The following MIER1 variants were observed in gnomAD, a reference collection of about 807,000 sequenced individuals.
MIER1 encodes mesoderm induction early response protein 1.
In MIER1, 40 loss-of-function variants were observed where a neutral mutation model predicts 75.7. The observed-to-expected ratio is 0.53, with a 90% CI of 0.41 to 0.69. The LOEUF is 0.69. Among genes scored for constraint, MIER1 ranks in the 30% least tolerant of loss-of-function variants. The probability of loss-of-function intolerance (pLI) is 0.00; values close to 1 mark genes in which losing one functional copy is unlikely to be tolerated. For missense variants in MIER1, 574 were observed against 680.2 expected (o/e 0.84, Z 1.74); for synonymous variants, 213 against 223.4 (o/e 0.95, Z 0.42).
At chr1:66,942,281 C>T (rs1656432125) in intron 3 of MIER1, among the ~76,000 whole-genome samples, 1 of 152,172 alleles carries the variant, frequency 6.6e-6, no homozygotes, top group South Asian at 2.1e-4. Flanking sequence ...ATAATAGTCA[C>T]ATGACCACAT....
intron 3 of MIER1, among the ~76,000 whole-genome samples, chr1:66,944,538 G>T (rs1310768859): frequency 1.3e-5 from 2 of 151,534 alleles, no homozygotes; most frequent in Admixed American, 6.6e-5. Flanking sequence ...ACCCTATAGG[G>T]TCCAGCAATA....
chr1:66,954,577 G>A (rs1349074774), intron 4 of MIER1, among the ~76,000 whole-genome samples: 1 of 152,106 alleles, frequency 6.6e-6, no homozygotes, highest in Admixed American at 6.5e-5. Flanking sequence ...GTTCTATTAC[G>A]ATTGTAATTC....
Position 66,987,774 on chromosome 1 carries a change from TAC to T in MIER1, c.*2878_*2879del, listed in dbSNP as rs1024915529. ...TATTGACAAGGCAAATATATATATATACACAGTCTGTTTCTTCTATTCCTAGA... is the reference window on the plus strand; with the variant it reads ...TATTGACAAGGCAAATATATATATATACAGTCTGTTTCTTCTATTCCTAGA... On this transcript the variant is annotated 3_prime_UTR_variant, in exon 14 of 14. Transcript: ENST00000401041. 2.0e-5 allele frequency: 3 copies of T among 152,096 alleles called. No individual in the cohort carries two copies. Among genetic ancestry groups the T allele is most frequent in the Admixed American group, 1.3e-4 (2 of 15,226 alleles). 9.4% of individuals were successfully genotyped at this position (152,096 alleles called of 1,614,324 possible).
intron 3 of MIER1, among the ~76,000 whole-genome samples, chr1:66,942,981 A>C (rs1656611065): frequency 6.6e-6 from 1 of 152,204 alleles, no homozygotes; most frequent in Admixed American, 6.5e-5. Context: ...TATAACAAAG[A>C]ATTAAGCATA....
At chr1:66,925,181 C>T in intron 1 of MIER1, 86 bp downstream of exon 1, 10 of 1,470,774 alleles carry the variant, frequency 6.8e-6, no homozygotes, top group Non-Finnish European at 9.0e-6. Context: ...TCCCCTTTCT[C>T]TCCTTCCCCT....
chr1:66,929,653 T>C (rs905190650), intron 2 of MIER1, among the ~76,000 whole-genome samples: 3 of 152,244 alleles, frequency 2.0e-5, no homozygotes, highest in Non-Finnish European at 2.9e-5. Flanking sequence ...ATTCAGTACA[T>C]AACTGTGTTG....
chr1:66,963,839 CAG>C (rs1661758539), intron 8 of MIER1, among the ~76,000 whole-genome samples: 1 of 151,816 alleles, frequency 6.6e-6, no homozygotes, highest in South Asian at 2.1e-4. Context: ...ACCCAGGAGG[CAG>C]AGGTTGCAGT....
chr1:66,948,232 T>C (rs1570255956), intron 4 of MIER1: 2 of 938,402 alleles, frequency 2.1e-6, no homozygotes, highest in Non-Finnish European at 2.5e-6. Context: ...TAATAAAATA[T>C]ATCATGCATA....
intron 2 of MIER1, among the ~76,000 whole-genome samples, chr1:66,939,067 A>G (rs747518437): frequency 1.3e-5 from 2 of 152,100 alleles, no homozygotes; most frequent in African/African-American, 4.8e-5. Context: ...CAAGATCCCT[A>G]TCTTTCCTTT....
chr1:66,965,666 A>G, intron 8 of MIER1, among the ~76,000 whole-genome samples: 1 of 152,196 alleles, frequency 6.6e-6, no homozygotes, highest in South Asian at 2.1e-4. Context: ...GTTACAAACA[A>G]TCCATTTATA....
intron 11 of MIER1, among the ~76,000 whole-genome samples, chr1:66,973,252 TG>T (rs1299816724): frequency 3.3e-5 from 5 of 152,086 alleles, no homozygotes; most frequent in African/African-American, 1.2e-4. Flanking sequence ...AACTTCTAGT[TG>T]GGGTGTGTAT....
At chr1:66,981,635 A>T in intron 12 of MIER1, 144 bp from the exon 13 acceptor site, 1 of 602,986 alleles carries the variant, frequency 1.7e-6, no homozygotes, top group South Asian at 3.2e-5. Flanking sequence ...AAATATTCAG[A>T]TCCTGGTATG....
intron 3 of MIER1, among the ~76,000 whole-genome samples, chr1:66,942,746 A>G (rs1029857837): frequency 4.2e-4 from 64 of 152,360 alleles, no homozygotes; most frequent in Admixed American, 2.4e-3. Flanking sequence ...GAAAGTTTAT[A>G]GAAAAAAGCG....
In MIER1 at chr1:66,925,589, A is replaced by G. The variant is rs550978372; in HGVS notation, c.67+494A>G. On this transcript the variant is annotated intron_variant, in intron 1 of 13. Coordinates refer to ENST00000401041, the MANE Select transcript of MIER1 (RefSeq NM_001077700.3). ...TTTCGGATGGAGTCAGGGAGGGAGG[A>G]GAGACTCGAATAGGGTATTACTGTA... 1.2e-5 allele frequency: 12 copies of G among 972,674 alleles called. No homozygotes were observed. The East Asian group carries it at 1.3e-3, about 102-fold the overall frequency. 60.3% of individuals were successfully genotyped at this position (972,674 alleles called of 1,614,324 possible). A position where few individuals can be genotyped will look rare whatever the true frequency, so the allele number is the denominator to read the frequency against.
chr1:66,972,251 T>TATATATATACACTAC (rs1663832307), intron 10 of MIER1, among the ~76,000 whole-genome samples: 1 of 95,068 alleles, frequency 1.1e-5, no homozygotes, highest in Non-Finnish European at 2.0e-5. Flanking sequence ...TATATATATA[T>TATATATATACACTAC]ATATATATAT....
At chr1:66,957,975 A>C in intron 4 of MIER1, 84 bp from the exon 5 acceptor site, 1 of 759,110 alleles carries the variant, frequency 1.3e-6, no homozygotes, top group Non-Finnish European at 2.0e-6. Flanking sequence ...CTATAGAATG[A>C]ATACTCCACA....
chr1:66,928,859 T>C, intron 2 of MIER1: 1 of 1,511,048 alleles, frequency 6.6e-7, no homozygotes, highest in South Asian at 1.2e-5. Context: ...AGTTTTCCTT[T>C]CTCTTCTTTC....
chr1:66,944,059 G>A (rs1434523615), intron 3 of MIER1, among the ~76,000 whole-genome samples: 1 of 151,776 alleles, frequency 6.6e-6, no homozygotes, highest in Non-Finnish European at 1.5e-5. Context: ...GATTAATTGA[G>A]ATAATGTATA....
chr1:66,953,460 T>C (rs1027963771), intron 4 of MIER1, among the ~76,000 whole-genome samples: 3 of 152,186 alleles, frequency 2.0e-5, no homozygotes, highest in Non-Finnish European at 4.4e-5. Flanking sequence ...AGACTTTTTA[T>C]ACTGTCGTGC....
Sources: allele counts gnomAD v4.1 joint callset (sites outside exome capture counted in the v4.1 genomes callset), GRCh38; gene constraint gnomAD v4.1.1; transcripts MANE v1.5; gene names NCBI Gene and HGNC (gene_info 2026-07-23, HGNC 2026-07-21).